KPLCE: variants seen among roughly 807,000 people sequenced by gnomAD.
The protein encoded by KPLCE is KPRP N-terminal and LCE C-terminal like protein.
chr1:152,720,316 C>A, the KPLCE span: 3 of 1,440,828 alleles, frequency 2.1e-6, no homozygotes, highest in East Asian at 7.5e-5. Flanking sequence ...CCCCGCTACC[C>A]CTTCTGGAAC....
At chr1:152,719,824 A>G in the KPLCE span, 2 of 1,551,758 alleles carry the variant, frequency 1.3e-6, no homozygotes, top group African/African-American at 2.7e-5. Context: ...CCTATGTAAA[A>G]TGCCCAACTC....
chr1:152,719,864 C>T, the KPLCE span: 9 of 1,552,066 alleles, frequency 5.8e-6, no homozygotes, highest in South Asian at 7.1e-5. Context: ...GTGCCCAGCT[C>T]CCTGCCAGAT....
chr1:152,720,335 G>A, the KPLCE span: 3 of 1,341,874 alleles, frequency 2.2e-6, no homozygotes, highest in South Asian at 2.9e-5. Context: ...ACATGCACCA[G>A]CTTCTGGCCC....
At chr1:152,720,357 G>A in the KPLCE span, 1 of 1,148,110 alleles carries the variant, frequency 8.7e-7, no homozygotes, top group Middle Eastern at 2.3e-4. Context: ...CTCTCTGTTA[G>A]TGCCAGTGAT....
chr1:152,720,293 C>T, the KPLCE span: 1 of 1,517,292 alleles, frequency 6.6e-7, no homozygotes, highest in Non-Finnish European at 8.9e-7. Flanking sequence ...CAGCTCAACT[C>T]CAGAATGCAC....
At chr1:152,719,974 C>A in the KPLCE span, 1 of 1,551,872 alleles carries the variant, frequency 6.4e-7, no homozygotes, top group Non-Finnish European at 8.7e-7. Context: ...CTGCAAGTGG[C>A]TCAACCTCCC....
chr1:152,720,409 C>G, the KPLCE span: 6 of 747,216 alleles, frequency 8.0e-6, no homozygotes, highest in Admixed American at 2.9e-5. Flanking sequence ...GCTTCTCTAC[C>G]AAGGCAGCCT....
At chr1:152,720,210 G>A in the KPLCE span, 3 of 1,551,676 alleles carry the variant, frequency 1.9e-6, no homozygotes, top group East Asian at 4.9e-5. Context: ...TGCTGTTTGG[G>A]AATTATCCCC....
At chr1:152,719,663 G>A in the KPLCE span, 1 of 1,552,174 alleles carries the variant, frequency 6.4e-7, no homozygotes, top group Non-Finnish European at 8.7e-7. Flanking sequence ...GACAGGCCCT[G>A]CTCCATGCCC....
At chr1:152,720,396 T>C in the KPLCE span, 1 of 844,988 alleles carries the variant, frequency 1.2e-6, no homozygotes, top group Non-Finnish European at 1.8e-6. Context: ...GCCTCTGTGC[T>C]TTGCTTCTCT....
At chr1:152,719,899 C>T in the KPLCE span, 8 of 1,552,284 alleles carry the variant, frequency 5.2e-6, no homozygotes, top group Non-Finnish European at 7.0e-6. Context: ...GTCCAGCTCC[C>T]TGCCAGACCC....
At chr1:152,720,343 C>T in the KPLCE span, 1 of 1,296,468 alleles carries the variant, frequency 7.7e-7, no homozygotes, top group Non-Finnish European at 1.1e-6. Flanking sequence ...CAGCTTCTGG[C>T]CCCCTCTCTG....
At chr1:152,719,651 G>C in the KPLCE span, 1 of 1,552,196 alleles carries the variant, frequency 6.4e-7, no homozygotes, top group Non-Finnish European at 8.7e-7. Flanking sequence ...AACTGTCTGT[G>C]TGACAGGCCC....
chr1:152,719,575 G>A, the KPLCE span: 14 of 1,551,784 alleles, frequency 9.0e-6, 1 homozygote, highest in African/African-American at 8.2e-5. Flanking sequence ...TGAAAGGTTC[G>A]GGACTAGGGG....
the KPLCE span, chr1:152,719,571 G>T: frequency 1.1e-4 from 177 of 1,551,850 alleles, no homozygotes; most frequent in African/African-American, 2.3e-3. Flanking sequence ...TGTGTGAAAG[G>T]TTCGGGACTA....
chr1:152,719,598 G>A, the KPLCE span: 5 of 1,551,554 alleles, frequency 3.2e-6, no homozygotes, highest in Non-Finnish European at 4.4e-6. Flanking sequence ...GGGCAGGGTA[G>A]CAATGGTGCC....
chr1:152,719,749 G>T, the KPLCE span: 1 of 1,551,598 alleles, frequency 6.4e-7, no homozygotes, highest in Non-Finnish European at 8.7e-7. Flanking sequence ...CCTGCCAGAG[G>T]ACCTATGTGA....
the KPLCE span, chr1:152,719,781 C>G: frequency 6.4e-7 from 1 of 1,552,154 alleles, no homozygotes; most frequent in Non-Finnish European, 8.7e-7. Context: ...CCCTGCCAAA[C>G]CTATGTGAAG....
chr1:152,719,707 C>A, the KPLCE span: 1 of 1,552,244 alleles, frequency 6.4e-7, no homozygotes, highest in East Asian at 2.4e-5. Context: ...AAGTTCCATG[C>A]CAGACTCAAA....
Sources: allele counts gnomAD v4.1 joint callset, GRCh38; gene constraint gnomAD v4.1.1; transcripts MANE v1.5; gene names NCBI Gene and HGNC (gene_info 2026-07-23, HGNC 2026-07-21).